The following RBM19 variants were observed in gnomAD, a reference collection of about 807,000 sequenced individuals.
RBM19 encodes the protein RNA binding motif protein 19, also known as probable RNA-binding protein 19.
RBM19 carries 94 observed loss-of-function variants against 116.8 expected under a neutral mutation model. The observed-to-expected ratio is 0.80, with a 90% CI of 0.68 to 0.95. RBM19 has a LOEUF of 0.95. Ranked by LOEUF, RBM19 falls within the 40% of genes least tolerant of loss-of-function variation. The pLI is 0.00. For synonymous variants in RBM19, 475 were observed against 494.1 expected (o/e 0.96, Z 0.51); for missense variants, 1,161 against 1,220.7 (o/e 0.95, Z 0.73).
intron 21 of RBM19, among the ~76,000 whole-genome samples, chr12:113,905,535 G>T (rs1881984058): frequency 6.6e-6 from 1 of 152,034 alleles, no homozygotes; most frequent in African/African-American, 2.4e-5. Flanking sequence ...ACCTTCATGA[G>T]CTCAGAGGAG....
chr12:113,895,930 G>A (rs533188209), intron 21 of RBM19, among the ~76,000 whole-genome samples: 9 of 150,864 alleles, frequency 6.0e-5, no homozygotes, highest in South Asian at 2.1e-4. Flanking sequence ...TATACATTTC[G>A]TTCTCTCTCA....
rs141749586 is a variant in RBM19 at position 113,875,989 on chromosome 12, T to C, written c.2559-17093A>G. Among the ~76,000 whole-genome samples the C allele has an allele frequency of 1.6e-4, 25 of 152,242 alleles. No homozygotes were observed. The East Asian group carries it at 4.6e-3, about 28-fold the overall frequency. On this transcript the variant is annotated intron_variant, in intron 21 of 23. Transcript: ENST00000261741. ...AGCTTTTTCTGAGGCACAGTGACTA[T>C]TCCAGCAGGCCTGTGGTGACGTGTG... is the stretch of plus-strand genomic sequence containing the variant.
Position 113,927,103 on chromosome 12 carries a change from A to G in RBM19, c.2195T>C (p.Leu732Pro). ...EEEESLPGCT[L>P]FIKNLNFDTT... ...GTCAAAATTGAGATTCTTAATAAAC[A>G]GAGTACATCCTGGGAGGCTCTCTTC... The change falls in exon 17 of 24, where the codon CTG (leucine) becomes CCG (proline). Residue 732 changes from leucine (L) to proline (P), a missense_variant. Transcript: ENST00000261741. 6.2e-7 allele frequency: 1 copy of G among 1,613,702 alleles called. No individual in the cohort carries two copies. The highest frequency in any genetic ancestry group is 1.1e-5 in the South Asian group (1 of 91,076).
At position 113,855,225 on chromosome 12, in the gene RBM19, C is replaced by G. The variant is rs542866234; in HGVS notation, c.2664+3566G>C. On this transcript the variant is annotated intron_variant, in intron 22 of 23. Transcript: ENST00000261741. ...GTGTTGAGGGGATGCCTTAACTCTT[C>G]TATCCTCTGTCAGCAGGCAAACGGA... is the stretch of plus-strand genomic sequence containing the variant. Among the ~76,000 whole-genome samples the G allele has an allele frequency of 5.3e-5, 8 of 152,312 alleles. No individual in the cohort carries two copies. In the East Asian group the frequency reaches 1.2e-3, roughly 22 times the overall value.
chr12:113,872,080 G>A (rs1879250837), intron 21 of RBM19, among the ~76,000 whole-genome samples: 2 of 146,476 alleles, frequency 1.4e-5, no homozygotes, highest in Non-Finnish European at 1.5e-5. Context: ...AGGAAGTGAG[G>A]AGCGCCTCTT....
rs369172935 is a variant in RBM19 at position 113,942,312 on chromosome 12, G to A, written c.1737+12C>T. On this transcript the variant is annotated intron_variant, in intron 14 of 23. Transcript: ENST00000261741. ...TGGCTGCTGGCTGGCTGGCGCCACC[G>A]AGAACACCCACCTGGCTGAAGGAAT... 68 of 1,598,240 alleles carry A rather than the reference G, an allele frequency of 4.3e-5. No individual in the cohort carries two copies. The highest frequency in any genetic ancestry group is 6.7e-5 in the East Asian group (3 of 44,810).
chr12:113,911,056 G>C (rs1327482471), intron 21 of RBM19, among the ~76,000 whole-genome samples: 1 of 18,340 alleles, frequency 5.5e-5, no homozygotes, highest in Non-Finnish European at 8.9e-5. Context: ...GGTGGCGGTG[G>C]GGGGGGTGGG....
In RBM19 at chr12:113,830,575, CGGGG is replaced by C. The variant is rs1232420079; in HGVS notation, c.2786-7258_2786-7255del. On this transcript the variant is annotated intron_variant, in intron 23 of 23. Coordinates refer to ENST00000261741, the MANE Select transcript of RBM19 (RefSeq NM_016196.4). ...GTTACCCTGAGCTAGGGCTGCGGGGCGGGGGGGGGGGGGGTGGGCTATGCCTGGG... is the reference window on the plus strand; with the variant it reads ...GTTACCCTGAGCTAGGGCTGCGGGGCGGGGGGGGGGTGGGCTATGCCTGGG... Among the ~76,000 whole-genome samples, 51 of 12,090 alleles carry C rather than the reference CGGGG, an allele frequency of 4.2e-3. 1 individual carries two copies. The highest frequency in any genetic ancestry group is 0.026 in the African/African-American group (50 of 1,956). The allele number at this position is 12,090 out of a possible 152,430, so 7.9% of individuals were successfully genotyped here. A position where few individuals can be genotyped will look rare whatever the true frequency, so the allele number is the denominator to read the frequency against.
chr12:113,955,380 G>A (rs999870187), intron 6 of RBM19, among the ~76,000 whole-genome samples, 169 bp from the exon 7 acceptor site: 3 of 152,040 alleles, frequency 2.0e-5, no homozygotes, highest in Non-Finnish European at 4.4e-5. Context: ...GGCCAGAGGT[G>A]GGGCTAGGTG....
chr12:113,863,005 G>C (rs1029019257), intron 21 of RBM19, among the ~76,000 whole-genome samples: 3 of 149,100 alleles, frequency 2.0e-5, no homozygotes, highest in African/African-American at 7.3e-5. Flanking sequence ...GGGTTTGTGG[G>C]TTTTCCACAA....
At chr12:113,881,938 G>C (rs1363606813) in intron 21 of RBM19, among the ~76,000 whole-genome samples, 1 of 152,256 alleles carries the variant, frequency 6.6e-6, no homozygotes, top group East Asian at 1.9e-4. Context: ...CTCCACCCAT[G>C]GGGGTGCACA....
chr12:113,913,931 GTCTC>G (rs1003785731), intron 21 of RBM19, among the ~76,000 whole-genome samples: 3 of 152,216 alleles, frequency 2.0e-5, no homozygotes, highest in African/African-American at 7.2e-5. Flanking sequence ...GAGCTAGATG[GTCTC>G]TCTATTACCC....
At chr12:113,962,495 C>G in intron 1 of RBM19, 81 bp from the exon 2 acceptor site, 1 of 1,403,000 alleles carries the variant, frequency 7.1e-7, no homozygotes, top group African/African-American at 1.4e-5. Context: ...AACCTGAGGC[C>G]ACGAGATTCT....
chr12:113,881,866 CG>C (rs930952809), intron 21 of RBM19, among the ~76,000 whole-genome samples: 8 of 152,352 alleles, frequency 5.3e-5, no homozygotes, highest in Middle Eastern at 3.4e-3. Context: ...GTGTCTCTTC[CG>C]GAGGCCCAGT....
chr12:113,922,687 C>T (rs1420222818), intron 18 of RBM19, among the ~76,000 whole-genome samples: 2 of 151,696 alleles, frequency 1.3e-5, no homozygotes, highest in Non-Finnish European at 2.9e-5. Flanking sequence ...AGCTGCCTTT[C>T]CTTGCACCCA....
At chr12:113,821,027 G>A (rs1874380140), downstream of RBM19, among the ~76,000 whole-genome samples, 2 of 152,208 alleles carry the variant, frequency 1.3e-5, no homozygotes, top group Non-Finnish European at 1.5e-5. Context: ...GCCTGATAAC[G>A]CTTTTGTGAC....
chr12:113,954,574 C>A (rs955589449), intron 7 of RBM19, among the ~76,000 whole-genome samples: 1 of 152,108 alleles, frequency 6.6e-6, no homozygotes, highest in Non-Finnish European at 1.5e-5. Context: ...TACTTACAGG[C>A]AATTTTTAAA....
intron 23 of RBM19, among the ~76,000 whole-genome samples, chr12:113,842,770 G>A (rs1876610128): frequency 6.6e-6 from 1 of 152,176 alleles, no homozygotes; most frequent in Non-Finnish European, 1.5e-5. Context: ...CTTCCTGGAG[G>A]AGGTGTCATT....
At chr12:113,956,146 C>G (rs1190738977) in intron 6 of RBM19, among the ~76,000 whole-genome samples, 1 of 152,110 alleles carries the variant, frequency 6.6e-6, no homozygotes, top group African/African-American at 2.4e-5. Flanking sequence ...ACTCTACTAC[C>G]TCACTGAAAT....
Sources: allele counts gnomAD v4.1 joint callset (sites outside exome capture counted in the v4.1 genomes callset), GRCh38; gene constraint gnomAD v4.1.1; transcripts MANE v1.5; gene names NCBI Gene and HGNC (gene_info 2026-07-23, HGNC 2026-07-21).